XRN1: variants seen among roughly 807,000 people sequenced by gnomAD.
The protein encoded by XRN1 is 5'-3' exoribonuclease 1, also known as strand-exchange protein 1 homolog.
A neutral mutation model predicts 222.3 loss-of-function variants in XRN1; 67 were observed. The observed-to-expected ratio is 0.30, with a 90% CI of 0.25 to 0.37. The LOEUF (loss-of-function observed/expected upper bound fraction) is 0.37, where lower values mean the gene tolerates loss of function less well. XRN1 is among the 10% of genes least tolerant of loss of function. The pLI is 1.00. For missense variants in XRN1, 1,707 were observed against 2,000.2 expected (o/e 0.85, Z 2.80); for synonymous variants, 643 against 652.4 (o/e 0.99, Z 0.22).
intron 33 of XRN1, among the ~76,000 whole-genome samples, chr3:142,338,568 A>G (rs2065907805): frequency 6.6e-6 from 1 of 152,162 alleles, no homozygotes; most frequent in African/African-American, 2.4e-5. Flanking sequence ...TGCTTGAGAA[A>G]AGCAGAGGGA....
intron 1 of XRN1, among the ~76,000 whole-genome samples, chr3:142,434,799 G>C (rs1465468862): frequency 6.6e-6 from 1 of 151,812 alleles, no homozygotes; most frequent in East Asian, 1.9e-4. Context: ...AAGGAAATTT[G>C]CCCTAGATAA....
chr3:142,334,171 TC>T (rs2065782024), intron 34 of XRN1, among the ~76,000 whole-genome samples: 1 of 152,304 alleles, frequency 6.6e-6, no homozygotes, highest in African/African-American at 2.4e-5. Flanking sequence ...ACCAAAGATG[TC>T]TATTGAACAA....
At chr3:142,318,978 C>G (rs1342778272) in intron 37 of XRN1, 75 bp from the exon 38 acceptor site, 8 of 1,183,652 alleles carry the variant, frequency 6.8e-6, no homozygotes, top group Non-Finnish European at 9.4e-6. Flanking sequence ...TTAGTCTAAA[C>G]AAGTAAAATA....
intron 2 of XRN1, 24 bp downstream of exon 2, chr3:142,432,637 C>A: frequency 1.3e-6 from 2 of 1,507,658 alleles, no homozygotes; most frequent in South Asian, 1.3e-5. Flanking sequence ...AATAATATTC[C>A]AAAATAAAAC....
intron 39 of XRN1, 152 bp from the exon 40 acceptor site, chr3:142,312,910 C>T: frequency 3.2e-6 from 3 of 925,344 alleles, no homozygotes; most frequent in Non-Finnish European, 4.8e-6. Flanking sequence ...CTCTTCCTTA[C>T]AACATTCAAC....
intron 2 of XRN1, among the ~76,000 whole-genome samples, chr3:142,429,113 G>A (rs1288321916): frequency 6.7e-6 from 1 of 149,470 alleles, no homozygotes; most frequent in Non-Finnish European, 1.5e-5. Context: ...ATAAGTTGAA[G>A]AAAGAAGTAT....
At chr3:142,431,910 A>AT (rs1323998143) in intron 2 of XRN1, among the ~76,000 whole-genome samples, 5 of 35,702 alleles carry the variant, frequency 1.4e-4, no homozygotes, top group African/African-American at 4.5e-4. Flanking sequence ...TATTATATAT[A>AT]TAAATATATA....
chr3:142,422,519 C>T (rs1036884712), intron 8 of XRN1, 63 bp downstream of exon 8: 13 of 1,514,970 alleles, frequency 8.6e-6, no homozygotes, highest in Non-Finnish European at 1.1e-5. Context: ...AACTAAGTCA[C>T]ATTTTTAGGG....
At chr3:142,328,730 T>TGTTTCAG (rs2065600501) in intron 37 of XRN1, among the ~76,000 whole-genome samples, 1 of 28,964 alleles carries the variant, frequency 3.5e-5, no homozygotes, top group African/African-American at 3.7e-4. Flanking sequence ...TATATATATA[T>TGTTTCAG]ATATATATAT....
In XRN1 at chr3:142,418,841, T is replaced by G. The variant is rs758702862; in HGVS notation, c.1214A>C (p.Asn405Thr). The change falls in exon 11 of 41, where the codon AAT (asparagine) becomes ACT (threonine). Residue 405 changes from asparagine (N) to threonine (T), a missense_variant. Around this residue, in one of 2 missense-constraint regions of XRN1, gnomAD observed 1,234 missense variants for 1,518.2 expected, o/e 0.81. Coordinates refer to ENST00000392981, the MANE Select transcript of XRN1 (RefSeq NM_001282857.2). ...CTTAGAAGTTATCATTTCGCCTTCA[T>G]TTTTGTCTAAAGCAGTCCAACACAG... Reference protein sequence around the residue: ...NSLCWTALDKNEGEMITSKDN... With the variant: ...NSLCWTALDKTEGEMITSKDN... 1.2e-6 allele frequency: 2 copies of G among 1,614,044 alleles called. No individual in the cohort carries two copies. The highest frequency in any genetic ancestry group is 1.7e-6 in the Non-Finnish European group (2 of 1,179,932).
chr3:142,313,100 G>A (rs1211957609), intron 39 of XRN1: 1 of 1,585,886 alleles, frequency 6.3e-7, no homozygotes, highest in Admixed American at 1.9e-5. Flanking sequence ...TGAGAGAAAA[G>A]CTTGGGCACA....
chr3:142,416,169 G>GTTTA (rs1336775357), intron 13 of XRN1, among the ~76,000 whole-genome samples: 176 of 151,916 alleles, frequency 1.2e-3, no homozygotes, highest in African/African-American at 3.5e-3. Context: ...TGATTATTCT[G>GTTTA]TTTATTTATT....
intron 33 of XRN1, among the ~76,000 whole-genome samples, chr3:142,340,807 A>G (rs2065972474): frequency 6.6e-6 from 1 of 152,224 alleles, no homozygotes; most frequent in South Asian, 2.1e-4. Context: ...TTTTTACCCT[A>G]TAATAGTATA....
chr3:142,308,471 AAAGC>A lies in XRN1; in HGVS notation c.*3036_*3039del, dbSNP rs1308479249. 1 of 152,224 alleles carries A rather than the reference AAAGC, an allele frequency of 6.6e-6. No individual in the cohort carries two copies. Among genetic ancestry groups the A allele is most frequent in the African/African-American group, 2.4e-5 (1 of 41,460 alleles). 9.4% of individuals were successfully genotyped at this position (152,224 alleles called of 1,614,324 possible). A position where few individuals can be genotyped will look rare whatever the true frequency, so the allele number is the denominator to read the frequency against. ...CAATCTTTATTAGTTACCCCTTTGA[AAAGC>A]AAGAAAAATCTTAAATTGAAACCAA... On this transcript the variant is annotated 3_prime_UTR_variant, in exon 41 of 41. Transcript: ENST00000392981.
intron 15 of XRN1, among the ~76,000 whole-genome samples, chr3:142,407,362 ACT>A (rs2108044685): frequency 6.6e-6 from 1 of 152,184 alleles, no homozygotes; most frequent in Non-Finnish European, 1.5e-5. Flanking sequence ...ATGGAGTATC[ACT>A]CTGTCACCAC....
chr3:142,384,881 A>G (rs1398368478), intron 20 of XRN1, among the ~76,000 whole-genome samples, 196 bp from the exon 21 acceptor site: 1 of 152,198 alleles, frequency 6.6e-6, no homozygotes, highest in Non-Finnish European at 1.5e-5. Context: ...TACTTCTCCA[A>G]CTGTCTCTGT....
chr3:142,431,954 T>A lies in XRN1; in HGVS notation c.308+707A>T, dbSNP rs1224871673. Among the ~76,000 whole-genome samples, 366 of 91,332 alleles carry A rather than the reference T, an allele frequency of 4.0e-3. 6 individuals carry two copies. The highest frequency in any genetic ancestry group is 0.018 in the African/African-American group (359 of 20,274). 59.9% of individuals were successfully genotyped at this position (91,332 alleles called of 152,430 possible). A position where few individuals can be genotyped will look rare whatever the true frequency, so the allele number is the denominator to read the frequency against. ...TATATTGTATATATTATATAATATA[T>A]TATATATAATATAATATATTGTATA... On this transcript the variant is annotated intron_variant, in intron 2 of 40. Transcript: ENST00000392981.
Position 142,423,594 on chromosome 3 carries a change from C to T in XRN1, c.676G>A (p.Glu226Lys). The T allele has an allele frequency of 6.2e-7, 1 of 1,601,118 alleles. No individual in the cohort carries two copies. Among genetic ancestry groups the T allele is most frequent in the Non-Finnish European group, 8.5e-7 (1 of 1,175,192 alleles). The change falls in exon 6 of 41, where the codon GAA becomes AAA. Residue 226 changes from glutamate to lysine, a missense_variant. Transcript: ENST00000392981. ...SHEAHFSLLR[E>K]EVRFGGKKTQ... The stretch of plus-strand genomic sequence containing the variant: ...TTTTTGCCACCAAATCGAACTTCTT[C>T]TCTTAAGAGAGAAAAATGTGCCTCA...
At chr3:142,445,889 A>G (rs150271181) in intron 1 of XRN1, among the ~76,000 whole-genome samples, 161 of 152,334 alleles carry the variant, frequency 1.1e-3, no homozygotes, top group Admixed American at 4.3e-3. Flanking sequence ...CTAATTGGCC[A>G]GCACAGTCTT....
Sources: allele counts gnomAD v4.1 joint callset (sites outside exome capture counted in the v4.1 genomes callset), GRCh38; gene constraint gnomAD v4.1.1; regional missense constraint gnomAD v4.1.1; transcripts MANE v1.5; gene names NCBI Gene and HGNC (gene_info 2026-07-23, HGNC 2026-07-21).